The following LRIT3 variants were observed in gnomAD, a reference collection of about 807,000 sequenced individuals.
The protein encoded by LRIT3 is leucine-rich repeat, immunoglobulin-like domain and transmembrane domain-containing protein 3.
In LRIT3, 14 loss-of-function variants were observed where a neutral mutation model predicts 22.6. That is an observed-to-expected ratio of 0.62 (90% CI 0.41 to 0.97). The LOEUF (loss-of-function observed/expected upper bound fraction) is 0.97. LRIT3 is among the 50% of genes least tolerant of loss of function. LRIT3 has a pLI of 0.00. For missense variants in LRIT3, 783 were observed against 803.0 expected (o/e 0.98, Z 0.30); for synonymous variants, 306 against 304.5 (o/e 1.01, Z -0.05).
At chr4:109,850,386 C>G (rs1227068073) in intron 1 of LRIT3, among the ~76,000 whole-genome samples, 1 of 484 alleles carries the variant, frequency 2.1e-3, no homozygotes, top group Non-Finnish European at 5.7e-3. Context: ...TTCCTTCCTT[C>G]CTTCCTTCCT....
In LRIT3 at chr4:109,869,774, C is replaced by G; in HGVS notation, c.1025C>G (p.Thr342Ser). The change falls in exon 4 of 4, where the codon ACT becomes AGT. Residue 342 changes from threonine (T) to serine (S), a missense_variant. Physicochemically the swap from Thr to Ser is moderately conservative, Grantham distance 58 (BLOSUM62 1). Around this residue, in one of 2 missense-constraint regions of LRIT3, gnomAD observed 756 missense variants for 753.8 expected, o/e 1.00. Transcript: ENST00000594814. Reference sequence around the variant, plus strand: ...GCTGGGATGTCAGAAGCTGTGGTTACTGTGACAGTGCTTGGCATTACCACA... The same window carrying G: ...GCTGGGATGTCAGAAGCTGTGGTTAGTGTGACAGTGCTTGGCATTACCACA... The part of the protein sequence containing the change: ...NLAGMSEAVV[T>S]VTVLGITTTP... The G allele has an allele frequency of 1.2e-6, 2 of 1,613,888 alleles. No homozygotes were observed. The highest frequency in any genetic ancestry group is 1.7e-6 in the Non-Finnish European group (2 of 1,179,776).
intron 2 of LRIT3, chr4:109,865,097 G>T: frequency 7.1e-7 from 1 of 1,417,286 alleles, no homozygotes; most frequent in Non-Finnish European, 9.3e-7. Context: ...TTTAGTCTAT[G>T]ATCATTATTT....
intron 1 of LRIT3, among the ~76,000 whole-genome samples, chr4:109,849,247 C>A (rs950757283): frequency 7.2e-5 from 11 of 152,074 alleles, no homozygotes; most frequent in African/African-American, 2.7e-4. Flanking sequence ...TTGAGATATT[C>A]ACTGGGTGGT....
intron 1 of LRIT3, among the ~76,000 whole-genome samples, chr4:109,850,422 C>CTTTCTTTCCTTCTTTCTTT (rs1553922077): frequency 3.6e-5 from 2 of 55,108 alleles, no homozygotes; most frequent in South Asian, 7.3e-4. Flanking sequence ...TTCCTTCCTT[C>CTTTCTTTCCTTCTTTCTTT]CTTTCTTTCT....
chr4:109,860,621 C>G (rs1352365292), intron 2 of LRIT3, among the ~76,000 whole-genome samples: 1 of 152,180 alleles, frequency 6.6e-6, no homozygotes, highest in African/African-American at 2.4e-5. Flanking sequence ...TTGTTAAATT[C>G]TGATAAATGT....
At chr4:109,850,354 TCTTCCTTCCTTCCTTCCTTCCTTC>T (rs1375109499) in intron 1 of LRIT3, among the ~76,000 whole-genome samples, 2 of 137,058 alleles carry the variant, frequency 1.5e-5, no homozygotes, top group Non-Finnish European at 3.2e-5. Context: ...GACAGTGTTG[TCTTCCTTCCTTCCTTCCTTCCTTC>T]CTTCCTTCCT....
Position 109,870,956 on chromosome 4 carries a change from GACAAA to G in LRIT3, c.*168_*172del. 2 of 586,398 alleles carry G rather than the reference GACAAA, an allele frequency of 3.4e-6. No homozygotes were observed. The highest frequency in any genetic ancestry group is 5.3e-6 in the Non-Finnish European group (2 of 379,050). 36.3% of individuals were successfully genotyped at this position (586,398 alleles called of 1,614,324 possible). On this transcript the variant is annotated 3_prime_UTR_variant, in exon 4 of 4. Coordinates refer to ENST00000594814, the MANE Select transcript of LRIT3 (RefSeq NM_198506.5). Reference sequence around the variant, plus strand: ...TACCATGAGACCTCTGAACTGAAAAGACAAATAATGTTGATTTTTTTTCTTGTGTG... The same window carrying G: ...TACCATGAGACCTCTGAACTGAAAAGTAATGTTGATTTTTTTTCTTGTGTG...
In LRIT3 at chr4:109,870,561, CAA is replaced by C; in HGVS notation, c.1814_1815del (p.Lys605SerfsTer7). ...ILPLICFLLY[K>X]VCKLQCKSEP... The stretch of plus-strand genomic sequence containing the variant: ...TACCATTGATTTGTTTCTTGTTGTA[CAA>C]AGTTTGCAAACTGCAATGTAAATCA... On this transcript the variant is annotated frameshift_variant, in exon 4 of 4. Coordinates refer to ENST00000594814, the MANE Select transcript of LRIT3 (RefSeq NM_198506.5). LOFTEE classifies it high-confidence loss of function. The C allele has an allele frequency of 6.2e-7, 1 of 1,613,994 alleles. No homozygotes were observed. Among genetic ancestry groups the C allele is most frequent in the Non-Finnish European group, 8.5e-7 (1 of 1,179,924 alleles).
intron 2 of LRIT3, 134 bp from the exon 3 acceptor site, chr4:109,867,507 G>A: frequency 2.7e-6 from 2 of 740,674 alleles, no homozygotes; most frequent in Non-Finnish European, 4.4e-6. Context: ...CTGACATAAA[G>A]GTGACTCTGC....
chr4:109,870,114 A>G lies in LRIT3; in HGVS notation c.1365A>G (p.Ala455=). 1 of 1,614,204 alleles carries G rather than the reference A, an allele frequency of 6.2e-7. No homozygotes were observed. The highest frequency in any genetic ancestry group is 1.1e-5 in the South Asian group (1 of 91,074). ...HQGGKRNLKV[A]KNGSKLPPAS... ...GTGGGAAAAGAAATTTAAAGGTGGC[A>G]AAGAATGGAAGTAAGCTTCCTCCAG... is the stretch of plus-strand genomic sequence containing the variant. The change falls in exon 4 of 4, where the codon GCA becomes GCG. Residue 455 remains alanine (A), a synonymous_variant. Transcript: ENST00000594814.
At chr4:109,852,592 C>G (rs1734300032) in intron 2 of LRIT3, among the ~76,000 whole-genome samples, 1 of 152,038 alleles carries the variant, frequency 6.6e-6, no homozygotes. Context: ...GTGTATTTCT[C>G]TGGTTCTTTT....
chr4:109,861,797 A>C (rs541449870), intron 2 of LRIT3, among the ~76,000 whole-genome samples: 77 of 151,954 alleles, frequency 5.1e-4, no homozygotes, highest in African/African-American at 1.8e-3. Flanking sequence ...ATGACATTTG[A>C]TTCATTAGTT....
chr4:109,867,138 A>G (rs1395022571), intron 2 of LRIT3, among the ~76,000 whole-genome samples: 1 of 152,112 alleles, frequency 6.6e-6, no homozygotes, highest in East Asian at 1.9e-4. Context: ...ACAATACTGT[A>G]AGTACTTTCA....
rs774590264 is a variant in LRIT3 at position 109,869,988 on chromosome 4, T to G, written c.1239T>G (p.Ser413=). 1 of 1,614,116 alleles carries G rather than the reference T, an allele frequency of 6.2e-7. No individual in the cohort carries two copies. The highest frequency in any genetic ancestry group is 8.5e-7 in the Non-Finnish European group (1 of 1,180,016). ...SPPSTASFSL[S]PFSSSTVSST... is the part of the protein sequence containing the mutation. ...CCTCTACTGCTTCCTTCTCTTTATC[T>G]CCTTTCTCCTCCTCCACTGTTTCTT... The change falls in exon 4 of 4, where the codon TCT becomes TCG. Residue 413 remains serine (S), a synonymous_variant. Transcript: ENST00000594814.
chr4:109,858,147 A>G (rs1734448402), intron 2 of LRIT3, among the ~76,000 whole-genome samples: 1 of 152,212 alleles, frequency 6.6e-6, no homozygotes, highest in Non-Finnish European at 1.5e-5. Flanking sequence ...TACTATCATT[A>G]ACATAGACCT....
intron 2 of LRIT3, among the ~76,000 whole-genome samples, chr4:109,854,517 C>CA (rs2125898022): frequency 6.6e-6 from 1 of 152,306 alleles, no homozygotes; most frequent in Non-Finnish European, 1.5e-5. Flanking sequence ...ATGTCATCTG[C>CA]AAACAGAGAC....
At chr4:109,851,232 A>C (rs1734246574) in intron 1 of LRIT3, 1 of 362,134 alleles carries the variant, frequency 2.8e-6, no homozygotes, top group African/African-American at 2.1e-5. Flanking sequence ...AGAGTTTTAC[A>C]TCCATTGTAA....
At chr4:109,854,262 T>A (rs1045184864) in intron 2 of LRIT3, among the ~76,000 whole-genome samples, 1 of 152,258 alleles carries the variant, frequency 6.6e-6, no homozygotes, top group African/African-American at 2.4e-5. Flanking sequence ...TTTTATTTCC[T>A]TGAGCAGTGG....
rs2347131 is a variant in LRIT3 at position 109,870,205 on chromosome 4, G to C, written c.1456G>C (p.Ala486Pro). The change falls in exon 4 of 4, where the codon GCA becomes CCA. Residue 486 changes from alanine to proline, a missense_variant. Ala to Pro is a conservative substitution (Grantham distance 27). This residue lies in a region of LRIT3 where 756 missense variants were observed against 753.8 expected (regional missense o/e 1.00). Transcript: ENST00000594814. Reference sequence around the variant, plus strand: ...AACAATGCTTACGGAGACAAATGCCGCAATAGAAAACCTCAGGGTGGTCAG... The same window carrying C: ...AACAATGCTTACGGAGACAAATGCCCCAATAGAAAACCTCAGGGTGGTCAG... The part of the protein sequence containing the change: ...DQTMLTETNA[A>P]IENLRVVSET... 1 of 1,614,064 alleles carries C rather than the reference G, an allele frequency of 6.2e-7. No homozygotes were observed.
Sources: gnomAD v4.1 joint callset for allele counts (sites outside exome capture counted in the v4.1 genomes callset) on GRCh38, gnomAD v4.1.1 for gene constraint, gnomAD v4.1.1 regional missense constraint, MANE v1.5 for transcripts, NCBI Gene and HGNC (gene_info 2026-07-23, HGNC 2026-07-21) for gene names.